Variants in RBM27 observed in about 807,000 individuals in gnomAD.
RBM27 encodes the protein RNA-binding protein 27.
RBM27 carries 22 observed loss-of-function variants against 135.3 expected under a neutral mutation model. The observed-to-expected ratio is 0.16, with a 90% CI of 0.12 to 0.23. The LOEUF (loss-of-function observed/expected upper bound fraction) is 0.23. Among genes scored for constraint, RBM27 ranks in the 10% least tolerant of loss-of-function variants. The pLI, the probability that RBM27 is intolerant of heterozygous loss-of-function variation, is 1.00. For missense variants in RBM27, 1,009 were observed against 1,281.0 expected, an observed-to-expected ratio of 0.79 and a Z score of 3.24; for synonymous variants, 481 against 442.4, an observed-to-expected ratio of 1.09 and a Z score of -1.10.
chr5:146,214,561 A>G (rs1756110012), intron 1 of RBM27, among the ~76,000 whole-genome samples: 1 of 152,174 alleles, frequency 6.6e-6, no homozygotes. Context: ...CTACAGTATC[A>G]TGGCTGTTTT....
chr5:146,213,591 G>C (rs1185342561), intron 1 of RBM27, among the ~76,000 whole-genome samples: 2 of 152,170 alleles, frequency 1.3e-5, no homozygotes, highest in Non-Finnish European at 2.9e-5. Context: ...GGTCTAAGTA[G>C]TCTTGGCTTT....
chr5:146,208,695 A>T (rs1349501029), intron 1 of RBM27, among the ~76,000 whole-genome samples: 1 of 152,198 alleles, frequency 6.6e-6, no homozygotes, highest in Non-Finnish European at 1.5e-5. Flanking sequence ...TAAGAATGTG[A>T]ACCCCTTTAA....
At chr5:146,223,212 A>T (rs1404553463) in intron 2 of RBM27, among the ~76,000 whole-genome samples, 191 bp from the exon 3 acceptor site, 2 of 152,146 alleles carry the variant, frequency 1.3e-5, no homozygotes, top group Non-Finnish European at 2.9e-5. Context: ...TCTTACATAT[A>T]TATCATTTTG....
intron 6 of RBM27, among the ~76,000 whole-genome samples, chr5:146,232,894 A>G (rs1363580353): frequency 2.0e-5 from 3 of 152,040 alleles, no homozygotes; most frequent in Non-Finnish European, 4.4e-5. Flanking sequence ...TTATGTACAA[A>G]CGTGTTTAAC....
intron 17 of RBM27, 54 bp downstream of exon 17, chr5:146,269,638 C>A: frequency 7.9e-7 from 1 of 1,260,064 alleles, no homozygotes; most frequent in Non-Finnish European, 1.0e-6. Flanking sequence ...CTGCCATGTG[C>A]TTGACACCTT....
At chr5:146,278,507 A>C (rs922074285) in intron 19 of RBM27, among the ~76,000 whole-genome samples, 13 of 151,976 alleles carry the variant, frequency 8.6e-5, no homozygotes, top group African/African-American at 2.4e-4. Flanking sequence ...TTCTCTCTCT[A>C]TATATATTAT....
At chr5:146,221,802 C>G (rs922971843) in intron 2 of RBM27, among the ~76,000 whole-genome samples, 4 of 152,136 alleles carry the variant, frequency 2.6e-5, no homozygotes, top group African/African-American at 9.7e-5. Context: ...TGGCTAGTGG[C>G]TACTATATTG....
Position 146,203,729 on chromosome 5 carries a change from G to A in RBM27, c.-37G>A, listed in dbSNP as rs1219073180. On this transcript the variant is annotated 5_prime_UTR_variant, in exon 1 of 21. Coordinates refer to ENST00000265271, the MANE Select transcript of RBM27 (RefSeq NM_018989.2). Reference sequence around the variant, plus strand: ...CGTAGTGGAGACCCACGGCAGGCCTGAAGAAGAGCGGCGGCCGAGCCCGCC... The same window carrying A: ...CGTAGTGGAGACCCACGGCAGGCCTAAAGAAGAGCGGCGGCCGAGCCCGCC... The A allele has an allele frequency of 1.9e-6, 3 of 1,545,536 alleles. No individual in the cohort carries two copies. The highest frequency in any genetic ancestry group is 2.7e-5 in the African/African-American group (2 of 72,806).
intron 11 of RBM27, among the ~76,000 whole-genome samples, chr5:146,260,388 A>G (rs941181241): frequency 6.6e-6 from 1 of 152,148 alleles, no homozygotes; most frequent in African/African-American, 2.4e-5. Context: ...AAATTAATCA[A>G]TCAGTTAATT....
intron 8 of RBM27, among the ~76,000 whole-genome samples, chr5:146,246,540 G>A (rs552937947): frequency 2.0e-5 from 3 of 152,252 alleles, no homozygotes; most frequent in African/African-American, 7.2e-5. Context: ...AGCTGGGCGT[G>A]TGGGCATGTG....
rs1317409518 is a variant in RBM27 at position 146,271,565 on chromosome 5, G to A, written c.2879G>A (p.Gly960Glu). Residue 960 changes from glycine (G) to glutamate (E), a missense_variant, in exon 19 of 21, where the codon GGA becomes GAA. Physicochemically the swap from Gly to Glu is moderately conservative, Grantham distance 98. This residue lies in a region of RBM27 where 355 missense variants were observed against 427.3 expected (regional missense o/e 0.83). Transcript: ENST00000265271. ...QGRGRGRGRGGRGRGSLNHMV... is the reference protein window; with the variant it reads ...QGRGRGRGRGERGRGSLNHMV... ...CGAGGAAGAGGCCGAGGGCGTGGAGGAAGAGGAAGGGGCTCACTAAATCAC... is the reference window on the plus strand; with the variant it reads ...CGAGGAAGAGGCCGAGGGCGTGGAGAAAGAGGAAGGGGCTCACTAAATCAC... 3.7e-6 allele frequency: 6 copies of A among 1,613,482 alleles called. No individual in the cohort carries two copies. The South Asian group carries it at 5.5e-5, about 15-fold the overall frequency.
At chr5:146,283,914 A>G (rs59331851) in intron 19 of RBM27, among the ~76,000 whole-genome samples, 2,998 of 152,324 alleles carry the variant, frequency 0.02, 100 homozygotes, top group African/African-American at 0.069. Context: ...TAGGAAAGCT[A>G]TAGGGATGGC....
chr5:146,272,375 C>T (rs957503960), intron 19 of RBM27, among the ~76,000 whole-genome samples: 4 of 152,112 alleles, frequency 2.6e-5, no homozygotes, highest in African/African-American at 2.4e-5. Context: ...AACCAGGTTC[C>T]CTATTCCTCA....
At chr5:146,242,659 T>C (rs1757454920) in intron 8 of RBM27, among the ~76,000 whole-genome samples, 1 of 152,196 alleles carries the variant, frequency 6.6e-6, no homozygotes, top group African/African-American at 2.4e-5. Context: ...AGTGGTGCGA[T>C]CTCAGCTCAC....
At chr5:146,238,207 GTAA>G (rs1757252814) in intron 8 of RBM27, among the ~76,000 whole-genome samples, 2 of 152,058 alleles carry the variant, frequency 1.3e-5, no homozygotes, top group Admixed American at 1.3e-4. Flanking sequence ...ACATTTGATT[GTAA>G]TAATACATTT....
At chr5:146,204,716 C>A (rs1443598634) in intron 1 of RBM27, among the ~76,000 whole-genome samples, 1 of 151,956 alleles carries the variant, frequency 6.6e-6, no homozygotes, top group African/African-American at 2.4e-5. Context: ...ATTCTTGTGC[C>A]ATTGAGAGGA....
At chr5:146,213,102 TTTGTTG>T (rs1202108606) in intron 1 of RBM27, among the ~76,000 whole-genome samples, 1 of 151,822 alleles carries the variant, frequency 6.6e-6, no homozygotes, top group South Asian at 2.1e-4. Context: ...ATGGATTTTT[TTTGTTG>T]TTGTTGTTGT....
chr5:146,254,661 A>G (rs1758033854), intron 9 of RBM27, among the ~76,000 whole-genome samples: 1 of 152,222 alleles, frequency 6.6e-6, no homozygotes, highest in African/African-American at 2.4e-5. Flanking sequence ...ATTATGTATT[A>G]TAATTAACCT....
intron 2 of RBM27, among the ~76,000 whole-genome samples, chr5:146,219,473 G>A (rs1258325098): frequency 6.6e-6 from 1 of 152,082 alleles, no homozygotes; most frequent in Non-Finnish European, 1.5e-5. Context: ...CCCTTGGATG[G>A]GGCTTCTTAA....
Sources: gnomAD v4.1 joint callset for allele counts (sites outside exome capture counted in the v4.1 genomes callset) on GRCh38, gnomAD v4.1.1 for gene constraint, gnomAD v4.1.1 regional missense constraint, MANE v1.5 for transcripts, NCBI Gene and HGNC (gene_info 2026-07-23, HGNC 2026-07-21) for gene names.